The following CBX3 variants were observed in gnomAD, a reference collection of about 807,000 sequenced individuals.
The protein encoded by CBX3 is chromobox protein homolog 3.
Under a neutral mutation model 22.6 loss-of-function variants are expected in CBX3, and 5 were observed. That is an observed-to-expected ratio of 0.22 (90% CI 0.12 to 0.47). The LOEUF is 0.47. Ranked by LOEUF, CBX3 falls within the 20% of genes least tolerant of loss-of-function variation. CBX3 has a pLI of 0.99. For synonymous variants in CBX3, 50 were observed against 66.6 expected, an observed-to-expected ratio of 0.75 and a Z score of 1.21; for missense variants, 83 against 208.1, an observed-to-expected ratio of 0.40 and a Z score of 3.70.
chr7:26,211,906 C>A, intron 5 of CBX3, 150 bp downstream of exon 5: 2 of 855,582 alleles, frequency 2.3e-6, no homozygotes, highest in Non-Finnish European at 3.5e-6. Flanking sequence ...AAGCAAGGGT[C>A]AGCAAACTGT....
intron 4 of CBX3, chr7:26,210,728 TAA>T (rs374100818): frequency 2.0e-4 from 31 of 152,326 alleles, no homozygotes; most frequent in African/African-American, 7.5e-4. Context: ...ATGACTTTTC[TAA>T]AAAAGCTGAG....
intron 3 of CBX3, 145 bp downstream of exon 3, chr7:26,206,655 G>C: frequency 1.3e-6 from 1 of 766,242 alleles, no homozygotes; most frequent in Non-Finnish European, 2.2e-6. Flanking sequence ...TCTCATTTGA[G>C]GTCTATTTCA....
intron 2 of CBX3, among the ~76,000 whole-genome samples, 185 bp downstream of exon 2, chr7:26,203,207 A>G (rs1193036135): frequency 2.0e-5 from 3 of 152,220 alleles, no homozygotes; most frequent in Non-Finnish European, 4.4e-5. Context: ...GCTTGGCTTA[A>G]TAGTGTCTTA....
intron 2 of CBX3, among the ~76,000 whole-genome samples, chr7:26,205,863 A>G (rs1784664499): frequency 6.6e-6 from 1 of 152,226 alleles, no homozygotes; most frequent in South Asian, 2.1e-4. Context: ...AGGCTGGTGA[A>G]TCACTTCAGG....
Position 26,211,610 on chromosome 7 carries a change from A to T in CBX3, c.331-52A>T, listed in dbSNP as rs908350877. 14 of 1,160,426 alleles carry T rather than the reference A, an allele frequency of 1.2e-5. No individual in the cohort carries two copies. The African/African-American group carries it at 2.2e-4, about 18-fold the overall frequency. 71.9% of individuals were successfully genotyped at this position (1,160,426 alleles called of 1,614,324 possible). On this transcript the variant is annotated intron_variant, in intron 4 of 5. Coordinates refer to ENST00000396386, the MANE Select transcript of CBX3 (RefSeq NM_016587.4). ...ATGTTTTTATTTAAAATACGCCATGAAAACAATTTAATACTCTGAGTTTGC... is the reference window on the plus strand; with the variant it reads ...ATGTTTTTATTTAAAATACGCCATGTAAACAATTTAATACTCTGAGTTTGC...
chr7:26,209,785 C>G (rs79477886), intron 4 of CBX3, among the ~76,000 whole-genome samples: 3,887 of 152,206 alleles, frequency 0.026, 89 homozygotes, highest in Non-Finnish European at 0.041. Context: ...GCCTACTGAC[C>G]TAGTGTGGCA....
In CBX3 at chr7:26,208,553, G is replaced by T. The variant is rs773852649; in HGVS notation, c.328G>T (p.Ala110Ser). The T allele has an allele frequency of 2.5e-6, 4 of 1,602,840 alleles. No individual in the cohort carries two copies. The highest frequency in any genetic ancestry group is 3.4e-6 in the Non-Finnish European group (4 of 1,172,576). ...CAGCAAATCAAAGAAGAAAAGAGAT[G>T]CTGTAAGTATAAAATATTGCCCACC... is the stretch of plus-strand genomic sequence containing the variant. ...DDSKSKKKRDAADKPRGFARG... is the reference protein window; with the variant it reads ...DDSKSKKKRDSADKPRGFARG... The change falls in exon 4 of 6, where the codon GCT (alanine) becomes TCT (serine). Residue 110 changes from alanine (A) to serine (S), a missense_variant and splice_region_variant. Physicochemically the swap from Ala to Ser is moderately conservative, Grantham distance 99. Coordinates refer to ENST00000396386, the MANE Select transcript of CBX3 (RefSeq NM_016587.4).
intron 4 of CBX3, 87 bp from the exon 5 acceptor site, chr7:26,211,575 C>G: frequency 4.0e-6 from 3 of 746,704 alleles, no homozygotes. Flanking sequence ...ATTTCCATCT[C>G]ACTATTGGAA....
intron 3 of CBX3, among the ~76,000 whole-genome samples, chr7:26,207,131 C>T (rs921000016): frequency 6.6e-6 from 1 of 152,162 alleles, no homozygotes; most frequent in African/African-American, 2.4e-5. Flanking sequence ...CACAAAGCTC[C>T]ATAGGCAGTG....
intron 1 of CBX3, chr7:26,202,450 G>C (rs1481558334): frequency 6.6e-6 from 1 of 152,596 alleles, no homozygotes; most frequent in Admixed American, 6.5e-5. Flanking sequence ...GCGGGTGTTT[G>C]CAAGAGGTGA....
rs75988840 is a variant in CBX3 at position 26,204,636 on chromosome 7, C to T, written c.24+1614C>T. 5.8e-3 allele frequency among the ~76,000 whole-genome samples: 887 copies of T among 152,286 alleles called. 8 individuals carry two copies. Among genetic ancestry groups the T allele is most frequent in the African/African-American group, 0.021 (857 of 41,556 alleles). ...CAGTCTTGAGGCCTTTCTTACATAT[C>T]TGTCTGCACACTTCATATGCCTGCA... is the stretch of plus-strand genomic sequence containing the variant. On this transcript the variant is annotated intron_variant, in intron 2 of 5. Transcript: ENST00000396386.
chr7:26,203,906 C>T (rs1346767025), intron 2 of CBX3, among the ~76,000 whole-genome samples: 1 of 152,198 alleles, frequency 6.6e-6, no homozygotes, highest in African/African-American at 2.4e-5. Flanking sequence ...GCATTAGATT[C>T]TGTTTACCCT....
At chr7:26,211,077 C>G (rs1472847483) in intron 4 of CBX3, among the ~76,000 whole-genome samples, 1 of 121,366 alleles carries the variant, frequency 8.2e-6, no homozygotes, top group Non-Finnish European at 1.7e-5. Context: ...AGCTGATGAG[C>G]TAAAAAAAAA....
At chr7:26,207,158 A>G (rs953914696) in intron 3 of CBX3, among the ~76,000 whole-genome samples, 5 of 152,226 alleles carry the variant, frequency 3.3e-5, no homozygotes. Context: ...AAAAATGGAT[A>G]GGTGGAGATC....
At chr7:26,206,535 C>T (rs1346773677) in intron 3 of CBX3, 25 bp downstream of exon 3, 2 of 1,607,930 alleles carry the variant, frequency 1.2e-6, no homozygotes, top group Non-Finnish European at 1.7e-6. Flanking sequence ...TGCATCTTTA[C>T]TATATGTTTA....
intron 1 of CBX3, chr7:26,202,036 T>A (rs1784491266): frequency 6.6e-6 from 1 of 151,490 alleles, no homozygotes; most frequent in African/African-American, 2.4e-5. Context: ...GGGACTGCTC[T>A]GCCCTCGAGG....
At chr7:26,208,203 C>T in intron 3 of CBX3, 190 bp from the exon 4 acceptor site, 1 of 433,526 alleles carries the variant, frequency 2.3e-6, no homozygotes, top group South Asian at 4.2e-5. Flanking sequence ...GTCTGGGCAA[C>T]AAAGCAAGAC....
At chr7:26,210,851 A>T (rs1784788980) in intron 4 of CBX3, among the ~76,000 whole-genome samples, 1 of 152,170 alleles carries the variant, frequency 6.6e-6, no homozygotes, top group Non-Finnish European at 1.5e-5. Context: ...ATATGAAGAC[A>T]ATCCAAAGTC....
In CBX3 at chr7:26,208,535, T is replaced by A; in HGVS notation, c.310T>A (p.Ser104Thr). 1 of 1,611,484 alleles carries A rather than the reference T, an allele frequency of 6.2e-7. No individual in the cohort carries two copies. Among genetic ancestry groups the A allele is most frequent in the Non-Finnish European group, 8.5e-7 (1 of 1,178,424 alleles). The change falls in exon 4 of 6, where the codon TCA (serine) becomes ACA (threonine). Residue 104 changes from serine (S) to threonine (T), a missense_variant. Physicochemically the swap from Ser to Thr is moderately conservative, Grantham distance 58. This residue lies in a region of CBX3 where 59 missense variants were observed against 155.0 expected (regional missense o/e 0.38). Transcript: ENST00000396386. ...TGACAGTGAATCTGATGACAGCAAA[T>A]CAAAGAAGAAAAGAGATGCTGTAAG... ...LSDSESDDSK[S>T]KKKRDAADKP... is the part of the protein sequence containing the mutation.
Sources: gnomAD v4.1 joint callset for allele counts (sites outside exome capture counted in the v4.1 genomes callset) on GRCh38, gnomAD v4.1.1 for gene constraint, gnomAD v4.1.1 regional missense constraint, MANE v1.5 for transcripts, NCBI Gene and HGNC (gene_info 2026-07-23, HGNC 2026-07-21) for gene names.